LAMP2: variants seen among roughly 807,000 people sequenced by gnomAD.
LAMP2 encodes the protein lysosome associated membrane protein 2, also known as lysosome-associated membrane glycoprotein 2.
LAMP2 carries 4 observed loss-of-function variants against 25.6 expected under a neutral mutation model. The ratio of observed to expected loss-of-function variants is 0.16; its 90% CI spans 0.08 to 0.36. The LOEUF (loss-of-function observed/expected upper bound fraction) is 0.36. Ranked by LOEUF, LAMP2 falls within the 10% of genes least tolerant of loss-of-function variation. The pLI, the probability that LAMP2 is intolerant of heterozygous loss-of-function variation, is 1.00. For missense variants in LAMP2, 272 were observed against 301.4 expected (o/e 0.90, Z 0.72); for synonymous variants, 108 against 112.7 (o/e 0.96, Z 0.27).
Position 120,459,455 on chromosome X carries a change from G to T in LAMP2, c.65-2686C>A, listed in dbSNP as rs1921232497. ...GCAAATGGAGCCAGGAATGGAACAG[G>T]GAGGGAGACAGGTGTGGAGTAACAG... On this transcript the variant is annotated intron_variant, in intron 1 of 8. Coordinates refer to ENST00000200639, the MANE Select transcript of LAMP2 (RefSeq NM_002294.3). Among the ~76,000 whole-genome samples, 6 of 112,325 alleles carry T rather than the reference G, an allele frequency of 5.3e-5. No homozygotes were observed. The Admixed American group carries it at 5.7e-4, about 11-fold the overall frequency.
At chrX:120,461,558 T>C (rs1921314102) in intron 1 of LAMP2, among the ~76,000 whole-genome samples, 1 of 111,747 alleles carries the variant, frequency 8.9e-6, no homozygotes, top group Non-Finnish European at 1.9e-5. Context: ...ATAACATTTC[T>C]GTCACTCGTT....
Position 120,469,283 on chromosome X carries a change from A to G in LAMP2, c.-114T>C. On this transcript the variant is annotated 5_prime_UTR_variant, in exon 1 of 9. Transcript: ENST00000200639. ...AAGAGCACTGATGACCACCGACCAC[A>G]GCCTTGCAAAAGCCAGGAATCGGCG... The G allele has an allele frequency of 1.3e-6, 1 of 751,019 alleles. No homozygotes were observed. The highest frequency in any genetic ancestry group is 2.0e-6 in the Non-Finnish European group (1 of 493,689). The allele number at this position is 751,019 out of a possible 1,213,427, so 61.9% of individuals were successfully genotyped here. A position where few individuals can be genotyped will look rare whatever the true frequency, so the allele number is the denominator to read the frequency against.
chrX:120,460,188 G>A (rs183265294), intron 1 of LAMP2, among the ~76,000 whole-genome samples: 203 of 109,931 alleles, frequency 1.8e-3, no homozygotes, highest in African/African-American at 6.4e-3. Flanking sequence ...CAGGAGAATC[G>A]CTTGAACCTG....
At chrX:120,444,486 T>C (rs1363724192) in intron 6 of LAMP2, among the ~76,000 whole-genome samples, 2 of 111,056 alleles carry the variant, frequency 1.8e-5, no homozygotes, top group African/African-American at 6.6e-5. Context: ...TCCCTACCAA[T>C]ACAAATCAGA....
intron 5 of LAMP2, among the ~76,000 whole-genome samples, chrX:120,447,582 C>T (rs753216250): frequency 1.7e-4 from 18 of 109,002 alleles, no homozygotes; most frequent in African/African-American, 5.4e-4. Flanking sequence ...TGGTGGCAGG[C>T]GCCTGTAGTC....
At chrX:120,453,944 A>G (rs2058632965) in intron 3 of LAMP2, among the ~76,000 whole-genome samples, 1 of 112,728 alleles carries the variant, frequency 8.9e-6, no homozygotes, top group Non-Finnish European at 1.9e-5. Flanking sequence ...ATTGTCTTAA[A>G]ATAACAGCAA....
intron 1 of LAMP2, among the ~76,000 whole-genome samples, chrX:120,462,537 C>A (rs1455772795): frequency 2.5e-5 from 2 of 78,562 alleles, no homozygotes; most frequent in Admixed American, 1.3e-4. Context: ...AAAAAAAAAA[C>A]CTCTCACAGA....
Position 120,435,564 on chromosome X carries a change from G to A in LAMP2, c.1094-4102C>T, listed in dbSNP as rs1474521589. ...GTATGTTCTTGATACGTAACAAGTA[G>A]CTTATCAGATTCCTTCTAAAATACT... On this transcript the variant is annotated intron_variant, in intron 8 of 8. Coordinates refer to ENST00000200639, the MANE Select transcript of LAMP2 (RefSeq NM_002294.3). 6.2e-5 allele frequency among the ~76,000 whole-genome samples: 7 copies of A among 112,289 alleles called. No homozygotes were observed. The Admixed American group carries it at 6.6e-4, about 11-fold the overall frequency.
At chrX:120,455,054 T>TACATATATATGTATATATATAC (rs1219574936) in intron 3 of LAMP2, among the ~76,000 whole-genome samples, 2 of 103,467 alleles carry the variant, frequency 1.9e-5, no homozygotes, top group African/African-American at 7.0e-5. Context: ...TACTAGGATA[T>TACATATATATGTATATATATAC]ACATATATAT....
intron 8 of LAMP2, among the ~76,000 whole-genome samples, chrX:120,435,589 T>A (rs1569366334): frequency 8.9e-6 from 1 of 112,167 alleles, no homozygotes; most frequent in East Asian, 2.8e-4. Context: ...TCTAAAATAC[T>A]AAGATGTATG....
rs200161959 is a variant in LAMP2 at position 120,456,579 on chromosome X, C to T, written c.183+72G>A. ...GTCAACGTGGAATTTCATTTGTATA[C>T]GTGTATCTAAAGGATAAAGTCAATT... On this transcript the variant is annotated intron_variant, in intron 2 of 8. Transcript: ENST00000200639. 479 of 525,613 alleles carry T rather than the reference C, an allele frequency of 9.1e-4. 2 individuals are homozygous for T. The highest frequency in any genetic ancestry group is 8.2e-4 in the South Asian group (26 of 31,859). 43.3% of individuals were successfully genotyped at this position (525,613 alleles called of 1,213,427 possible).
intron 1 of LAMP2, among the ~76,000 whole-genome samples, chrX:120,468,889 G>C (rs1602547383): frequency 1.8e-5 from 2 of 110,974 alleles, no homozygotes; most frequent in South Asian, 3.8e-4. Flanking sequence ...CCCCGTTACC[G>C]GCCCCTTCTT....
chrX:120,446,597 A>C (rs1354623552), intron 5 of LAMP2, among the ~76,000 whole-genome samples, 170 bp from the exon 6 acceptor site: 1 of 109,425 alleles, frequency 9.1e-6, no homozygotes, highest in Admixed American at 9.7e-5. Context: ...ATGGGTCCTC[A>C]AGCTATGACT....
intron 3 of LAMP2, among the ~76,000 whole-genome samples, chrX:120,454,583 C>T (rs760973786): frequency 8.3e-5 from 9 of 108,974 alleles, no homozygotes; most frequent in Non-Finnish European, 1.7e-4. Context: ...TGAGACACCC[C>T]CCCCAACCCC....
At chrX:120,439,175 A>C in intron 8 of LAMP2, 2 of 1,211,032 alleles carry the variant, frequency 1.7e-6, no homozygotes, top group Non-Finnish European at 2.2e-6. Context: ...GATATCCAGC[A>C]TAACTTTTTC....
intron 8 of LAMP2, chrX:120,439,121 T>C: frequency 1.2e-5 from 14 of 1,209,544 alleles, no homozygotes; most frequent in Non-Finnish European, 1.6e-5. Context: ...CTTGCTTTTT[T>C]CTTTTGTAAC....
intron 2 of LAMP2, 36 bp downstream of exon 2, chrX:120,456,615 T>C: frequency 1.4e-6 from 1 of 723,596 alleles, no homozygotes. Flanking sequence ...AAATTCCTAC[T>C]ATAAAACTCA....
At chrX:120,433,608 T>C (rs1321194637) in intron 8 of LAMP2, among the ~76,000 whole-genome samples, 1 of 111,537 alleles carries the variant, frequency 9.0e-6, no homozygotes, top group East Asian at 2.8e-4. Context: ...CATAACTGTT[T>C]GCCTCAGTTT....
chrX:120,454,464 T>C (rs1401299680), intron 3 of LAMP2, among the ~76,000 whole-genome samples: 1 of 110,505 alleles, frequency 9.0e-6, no homozygotes, highest in Non-Finnish European at 1.9e-5. Context: ...AAAATAGCTA[T>C]TAGTAGCCAG....
Sources: allele counts gnomAD v4.1 joint callset (sites outside exome capture counted in the v4.1 genomes callset), GRCh38; gene constraint gnomAD v4.1.1; transcripts MANE v1.5; gene names NCBI Gene and HGNC (gene_info 2026-07-23, HGNC 2026-07-21).